ATP8A2: variants seen among roughly 807,000 people sequenced by gnomAD.
ATP8A2 encodes ATPase phospholipid transporting 8A2, also known as phospholipid-transporting ATPase IB.
In ATP8A2, 100 loss-of-function variants were observed where a neutral mutation model predicts 165.6. The ratio of observed to expected loss-of-function variants is 0.60; its 90% CI spans 0.51 to 0.71. ATP8A2 has a LOEUF of 0.71. Among genes scored for constraint, ATP8A2 ranks in the 30% least tolerant of loss-of-function variants. The pLI, the probability that ATP8A2 is intolerant of heterozygous loss-of-function variation, is 0.00. For missense variants in ATP8A2, 1,227 were observed against 1,479.5 expected (o/e 0.83, Z 2.80); for synonymous variants, 543 against 548.8 (o/e 0.99, Z 0.15).
At chr13:25,856,554 A>T (rs1952171693) in intron 30 of ATP8A2, among the ~76,000 whole-genome samples, 2 of 152,230 alleles carry the variant, frequency 1.3e-5, no homozygotes, top group Non-Finnish European at 2.9e-5. Context: ...AAATGATTTT[A>T]TAGCTTTGTT....
chr13:25,562,171 T>C (rs1391506785), intron 15 of ATP8A2, among the ~76,000 whole-genome samples: 2 of 152,170 alleles, frequency 1.3e-5, no homozygotes, highest in Admixed American at 6.5e-5. Flanking sequence ...GGTAATTCTG[T>C]GTTTGACTTT....
chr13:25,556,476 G>A (rs1011703158), intron 13 of ATP8A2, among the ~76,000 whole-genome samples: 7 of 152,058 alleles, frequency 4.6e-5, no homozygotes, highest in African/African-American at 1.4e-4. Flanking sequence ...GTTTTTGCTT[G>A]TTCAGTTGTT....
At chr13:25,905,957 A>G (rs1036698027) in intron 33 of ATP8A2, among the ~76,000 whole-genome samples, 4 of 151,574 alleles carry the variant, frequency 2.6e-5, no homozygotes, top group Non-Finnish European at 5.9e-5. Context: ...CTTTGTCTAT[A>G]CTCCTCAAGC....
At chr13:25,418,735 C>T (rs1225218089) in intron 1 of ATP8A2, among the ~76,000 whole-genome samples, 3 of 152,144 alleles carry the variant, frequency 2.0e-5, no homozygotes, top group Non-Finnish European at 2.9e-5. Flanking sequence ...ATCCACAATT[C>T]GCAGAGCTCA....
At chr13:25,706,617 G>A (rs929784079) in intron 25 of ATP8A2, among the ~76,000 whole-genome samples, 10 of 152,140 alleles carry the variant, frequency 6.6e-5, no homozygotes, top group African/African-American at 2.2e-4. Context: ...GTTTTAGTTG[G>A]CCTCCATATT....
chr13:25,760,112 CT>C (rs2044349833), intron 25 of ATP8A2, among the ~76,000 whole-genome samples: 1 of 152,202 alleles, frequency 6.6e-6, no homozygotes. Flanking sequence ...CAAGTCTCAG[CT>C]GCAGAGGCAG....
intron 30 of ATP8A2, among the ~76,000 whole-genome samples, chr13:25,849,797 G>A (rs972646660): frequency 3.9e-5 from 6 of 152,174 alleles, no homozygotes; most frequent in Non-Finnish European, 1.5e-5. Context: ...CTTGGGTCAG[G>A]GGATCCTGGA....
At chr13:25,474,006 T>C (rs1034250510) in intron 2 of ATP8A2, among the ~76,000 whole-genome samples, 5 of 152,182 alleles carry the variant, frequency 3.3e-5, no homozygotes, top group African/African-American at 1.2e-4. Context: ...AATAGTGAAT[T>C]TCAAAGCCAT....
chr13:25,917,112 G>A (rs1954291472), intron 33 of ATP8A2, among the ~76,000 whole-genome samples: 4 of 152,190 alleles, frequency 2.6e-5, no homozygotes, highest in Admixed American at 2.6e-4. Flanking sequence ...AGCCGCCCAT[G>A]CCTGGTAGTA....
intron 33 of ATP8A2, among the ~76,000 whole-genome samples, chr13:25,939,436 C>T (rs1398849914): frequency 1.3e-5 from 2 of 152,186 alleles, no homozygotes; most frequent in Admixed American, 6.5e-5. Flanking sequence ...CGGAGGAGTC[C>T]GCAGCCTCCC....
chr13:25,372,357 T>C lies in ATP8A2; in HGVS notation c.76+69T>C, dbSNP rs2032437264. The C allele has an allele frequency of 5.8e-6, 7 of 1,211,988 alleles. No individual in the cohort carries two copies. The highest frequency in any genetic ancestry group is 6.6e-6 in the Non-Finnish European group (6 of 915,306). 75.1% of individuals were successfully genotyped at this position (1,211,988 alleles called of 1,614,324 possible). ...GGGGCGGCGCGGGGCGCGCCTGCGG[T>C]TATGCGACACTGCCCCGCCCGCGCC... On this transcript the variant is annotated intron_variant, in intron 1 of 36. Transcript: ENST00000381655. The surrounding 1 kb of genome is among the most constrained non-coding windows in gnomAD (Gnocchi z 4.8).
chr13:25,372,252 T>G lies in ATP8A2; in HGVS notation c.40T>G (p.Ser14Ala), dbSNP rs1321387442. ...GAGLDKALKM[S>A]LPRRSRIRSS... ...AGGCCTGGACAAAGCTCTTAAGATG[T>G]CCCTGCCGCGGAGGTCGAGGATCCG... The change falls in exon 1 of 37, where the codon TCC (serine) becomes GCC (alanine). Residue 14 changes from serine (S) to alanine (A), a missense_variant. Ser to Ala is a moderately conservative substitution (Grantham distance 99). Coordinates refer to ENST00000381655, the MANE Select transcript of ATP8A2 (RefSeq NM_016529.6). This position sits in a 1 kb window ranked among gnomAD's most constrained non-coding sequence, Gnocchi z 4.8. 2.7e-6 allele frequency: 4 copies of G among 1,462,248 alleles called. No homozygotes were observed. The highest frequency in any genetic ancestry group is 4.8e-5 in the Admixed American group (2 of 41,394). 90.6% of individuals were successfully genotyped at this position (1,462,248 alleles called of 1,614,324 possible). A position where few individuals can be genotyped will look rare whatever the true frequency, so the allele number is the denominator to read the frequency against.
At chr13:25,414,306 C>T (rs554827975) in intron 1 of ATP8A2, among the ~76,000 whole-genome samples, 79 of 151,768 alleles carry the variant, frequency 5.2e-4, no homozygotes, top group Non-Finnish European at 7.4e-4. Flanking sequence ...TTTTCCTGCC[C>T]CAGCCTCCCG....
chr13:25,378,429 A>G (rs899166169), intron 1 of ATP8A2, among the ~76,000 whole-genome samples: 1 of 151,954 alleles, frequency 6.6e-6, no homozygotes, highest in Non-Finnish European at 1.5e-5. Flanking sequence ...AGGTGAGTGT[A>G]GAAAAAGCTG....
intron 30 of ATP8A2, among the ~76,000 whole-genome samples, chr13:25,843,780 A>AT (rs1951799046): frequency 6.6e-6 from 1 of 152,128 alleles, no homozygotes. Flanking sequence ...ACATCTCTAC[A>AT]TATTTCTAGC....
chr13:25,910,257 G>T (rs926090885), intron 33 of ATP8A2, among the ~76,000 whole-genome samples: 8 of 152,150 alleles, frequency 5.3e-5, no homozygotes, highest in Admixed American at 5.2e-4. Flanking sequence ...AATAATACTT[G>T]AATGGGTATA....
chr13:25,897,858 G>A (rs1953608172), intron 33 of ATP8A2, among the ~76,000 whole-genome samples: 1 of 152,158 alleles, frequency 6.6e-6, no homozygotes, highest in African/African-American at 2.4e-5. Context: ...TCATCGCGTA[G>A]TTCTTGTGCC....
intron 1 of ATP8A2, among the ~76,000 whole-genome samples, chr13:25,422,303 A>C (rs2034324057): frequency 6.6e-6 from 1 of 152,192 alleles, no homozygotes; most frequent in African/African-American, 2.4e-5. Context: ...ATAGACTAAG[A>C]AGTGTTTATT....
chr13:25,689,651 A>G (rs968288831), intron 24 of ATP8A2, among the ~76,000 whole-genome samples: 1 of 152,218 alleles, frequency 6.6e-6, no homozygotes, highest in South Asian at 2.1e-4. Context: ...TAGTAAAACT[A>G]TTCCTAGTTG....
Sources: gnomAD v4.1 joint callset for allele counts (sites outside exome capture counted in the v4.1 genomes callset) on GRCh38, gnomAD v4.1.1 for gene constraint, Gnocchi (gnomAD v3.1) non-coding constraint, MANE v1.5 for transcripts, NCBI Gene and HGNC (gene_info 2026-07-23, HGNC 2026-07-21) for gene names.